DOT1L: variants seen among roughly 807,000 people sequenced by gnomAD.
DOT1L encodes histone-lysine N-methyltransferase, H3 lysine-79 specific.
Under a neutral mutation model 153.3 loss-of-function variants are expected in DOT1L, and 33 were observed. The observed-to-expected ratio is 0.22, with a 90% CI of 0.16 to 0.29. The LOEUF is 0.29. DOT1L is among the 10% of genes least tolerant of loss of function. DOT1L has a pLI of 1.00. For synonymous variants in DOT1L, 1,135 were observed against 965.1 expected (o/e 1.18, Z -3.26); for missense variants, 1,847 against 2,119.9 (o/e 0.87, Z 2.53).
intron 15 of DOT1L, 88 bp from the exon 16 acceptor site, chr19:2,211,663 C>G: frequency 1.7e-6 from 2 of 1,199,196 alleles, no homozygotes; most frequent in Non-Finnish European, 2.4e-6. Flanking sequence ...CTGCCGAGGC[C>G]TGGGACTCGT....
chr19:2,213,395 C>T (rs2023781321), intron 16 of DOT1L, 144 bp from the exon 17 acceptor site: 3 of 745,216 alleles, frequency 4.0e-6, no homozygotes, highest in Non-Finnish European at 2.2e-6. Context: ...TATTTCTTGA[C>T]ATCTCAGCCC....
chr19:2,172,295 T>G (rs770771497), intron 1 of DOT1L, among the ~76,000 whole-genome samples: 2 of 151,790 alleles, frequency 1.3e-5, no homozygotes, highest in Admixed American at 1.3e-4. Flanking sequence ...GTTCAAGTGA[T>G]TCCCCTGCCT....
intron 27 of DOT1L, chr19:2,229,331 CAG>C: frequency 1.0e-6 from 1 of 985,446 alleles, no homozygotes; most frequent in East Asian, 1.1e-4. Context: ...CCTTCTGCCT[CAG>C]GGGCCCCTGG....
Position 2,206,797 on chromosome 19 carries a change from GGTAAGAAACTCTCAT to G in DOT1L, c.856+3_856+17del. ...CAGAATAAACAGTAGAAACTTGAGT[GGTAAGAAACTCTCAT>G]GTTGTTAATGATGAACACGGGTAAT... On this transcript the variant is annotated splice_donor_variant and splice_donor_5th_base_variant and intron_variant, in intron 10 of 27. Transcript: ENST00000398665. LOFTEE classifies it high-confidence loss of function. 6.2e-7 allele frequency: 1 copy of G among 1,613,554 alleles called. No homozygotes were observed. Among genetic ancestry groups the G allele is most frequent in the Non-Finnish European group, 8.5e-7 (1 of 1,179,590 alleles).
intron 1 of DOT1L, among the ~76,000 whole-genome samples, chr19:2,176,854 G>A (rs1489781117): frequency 6.6e-6 from 1 of 152,192 alleles, no homozygotes; most frequent in East Asian, 1.9e-4. Flanking sequence ...AGGAACTTCT[G>A]GGACCACAGC....
rs1290596696 is a variant in DOT1L, at chr19:2,208,343, G to A, written c.964-592G>A. 6.6e-6 allele frequency among the ~76,000 whole-genome samples: 1 copy of A among 152,120 alleles called. No individual in the cohort carries two copies. The highest frequency in any genetic ancestry group is 2.4e-5 in the African/African-American group (1 of 41,424). On this transcript the variant is annotated intron_variant, in intron 11 of 27. Coordinates refer to ENST00000398665, the MANE Select transcript of DOT1L (RefSeq NM_032482.3). This position sits in a 1 kb window ranked among gnomAD's most constrained non-coding sequence, Gnocchi z 4.4. ...TGGTTTTCCTTACGGTGGTGCTGGT[G>A]TGTCTGCACCCTCACTGTCCAGTGC...
rs977135906 is a variant in DOT1L, at chr19:2,190,340, G to T, written c.264+545G>T. Reference sequence around the variant, plus strand: ...CTAGAAAGCACCGGGGGCCCCTGGTGCATGGGGGTAGGGGAGCTCTTTCTT... The same window carrying T: ...CTAGAAAGCACCGGGGGCCCCTGGTTCATGGGGGTAGGGGAGCTCTTTCTT... On this transcript the variant is annotated intron_variant, in intron 4 of 27. Coordinates refer to ENST00000398665, the MANE Select transcript of DOT1L (RefSeq NM_032482.3). This position sits in a 1 kb window ranked among gnomAD's most constrained non-coding sequence, Gnocchi z 4.8. Among the ~76,000 whole-genome samples, 1 of 152,152 alleles carries T rather than the reference G, an allele frequency of 6.6e-6. No individual in the cohort carries two copies. Among genetic ancestry groups the T allele is most frequent in the Non-Finnish European group, 1.5e-5 (1 of 68,010 alleles).
In DOT1L at chr19:2,226,377, G is replaced by A. The variant is rs1599623791; in HGVS notation, c.3856G>A (p.Ala1286Thr). Residue 1286 changes from alanine to threonine, a missense_variant, in exon 27 of 28, where the codon GCC becomes ACC. Ala to Thr is a moderately conservative substitution (Grantham distance 58, BLOSUM62 0). This residue lies in a region of DOT1L where 934 missense variants were observed against 825.3 expected (regional missense o/e 1.13). Coordinates refer to ENST00000398665, the MANE Select transcript of DOT1L (RefSeq NM_032482.3). ...RPALEEPSAD[A>T]KLAAHPRKGF... ...CGCCCTGGAGGAGCCCTCTGCCGAT[G>A]CCAAGCTGGCCGCTCACCCCAGGAA... 1 of 1,592,754 alleles carries A rather than the reference G, an allele frequency of 6.3e-7. No homozygotes were observed. The highest frequency in any genetic ancestry group is 8.5e-7 in the Non-Finnish European group (1 of 1,171,810).
intron 5 of DOT1L, among the ~76,000 whole-genome samples, chr19:2,192,876 A>C (rs2022855385): frequency 6.6e-6 from 1 of 152,108 alleles, no homozygotes; most frequent in Non-Finnish European, 1.5e-5. Context: ...AAAAAGGCTT[A>C]TATGTTTTAG....
intron 1 of DOT1L, among the ~76,000 whole-genome samples, chr19:2,175,027 C>G (rs1300328206): frequency 7.2e-6 from 1 of 139,592 alleles, no homozygotes; most frequent in Non-Finnish European, 1.5e-5. Flanking sequence ...TAGATGGAGT[C>G]TTGCTCTGTT....
In DOT1L at chr19:2,207,726, C is replaced by T. The variant is rs1247012187; in HGVS notation, c.963+46C>T. ...CAGCCGCAGGGCCGTCCTGGTCTTC[C>T]ACCCCGCCCACGTCACACTGCTCTC... On this transcript the variant is annotated intron_variant, in intron 11 of 27. Coordinates refer to ENST00000398665, the MANE Select transcript of DOT1L (RefSeq NM_032482.3). The surrounding 1 kb of genome is among the most constrained non-coding windows in gnomAD (Gnocchi z 4.5). 2 of 1,513,068 alleles carry T rather than the reference C, an allele frequency of 1.3e-6. No individual in the cohort carries two copies. The highest frequency in any genetic ancestry group is 9.0e-7 in the Non-Finnish European group (1 of 1,113,594). The allele number at this position is 1,513,068 out of a possible 1,614,324, so 93.7% of individuals were successfully genotyped here.
At chr19:2,199,305 A>G (rs902871607) in intron 7 of DOT1L, among the ~76,000 whole-genome samples, 1 of 152,208 alleles carries the variant, frequency 6.6e-6, no homozygotes, top group African/African-American at 2.4e-5. Context: ...AGACGCCCCC[A>G]GGGACTGGCG....
chr19:2,206,753 C>T lies in DOT1L; in HGVS notation c.812C>T (p.Pro271Leu). The change falls in exon 10 of 28, where the codon CCC (proline) becomes CTC (leucine). Residue 271 changes from proline to leucine, a missense_variant. This residue lies in a region of DOT1L where 148 missense variants were observed against 422.3 expected (regional missense o/e 0.35). Coordinates refer to ENST00000398665, the MANE Select transcript of DOT1L (RefSeq NM_032482.3). ...GGTGGCAGAATCGTGTCCTCGAAAC[C>T]CTTTGCACCTCTGAACTTCAGAATA... Reference protein sequence around the residue: ...KEGGRIVSSKPFAPLNFRINS... With the variant: ...KEGGRIVSSKLFAPLNFRINS... 6.2e-7 allele frequency: 1 copy of T among 1,613,894 alleles called. No individual in the cohort carries two copies.
Position 2,231,060 on chromosome 19 carries a change from G to A in DOT1L, c.*1268G>A, listed in dbSNP as rs1262859103. On this transcript the variant is annotated 3_prime_UTR_variant, in exon 28 of 28. Coordinates refer to ENST00000398665, the MANE Select transcript of DOT1L (RefSeq NM_032482.3). Reference sequence around the variant, plus strand: ...GCCTGGGACTGGGTGTGGAAGGAGAGGAGCTGAGGCCGGGGTGTAGCAGGC... The same window carrying A: ...GCCTGGGACTGGGTGTGGAAGGAGAAGAGCTGAGGCCGGGGTGTAGCAGGC... The A allele has an allele frequency of 1.7e-5, 4 of 234,228 alleles. No individual in the cohort carries two copies. The highest frequency in any genetic ancestry group is 3.4e-5 in the Non-Finnish European group (4 of 119,080). The allele number at this position is 234,228 out of a possible 1,614,324, so 14.5% of individuals were successfully genotyped here.
At position 2,208,813 on chromosome 19, in the gene DOT1L, C is replaced by T. The variant is rs918714853; in HGVS notation, c.964-122C>T. On this transcript the variant is annotated intron_variant, in intron 11 of 27. Coordinates refer to ENST00000398665, the MANE Select transcript of DOT1L (RefSeq NM_032482.3). The surrounding 1 kb of genome is among the most constrained non-coding windows in gnomAD (Gnocchi z 4.4). The stretch of plus-strand genomic sequence containing the variant: ...GGGCTCTAGCTGCATGCCTGCTGTC[C>T]CCAGATACCAGAACAGCCTCCCCAG... 1.0e-4 allele frequency: 104 copies of T among 1,014,800 alleles called. No individual in the cohort carries two copies. In the South Asian group the frequency reaches 1.6e-3, roughly 15 times the overall value. The allele number at this position is 1,014,800 out of a possible 1,614,324, so 62.9% of individuals were successfully genotyped here. A position where few individuals can be genotyped will look rare whatever the true frequency, so the allele number is the denominator to read the frequency against.
chr19:2,201,298 C>T (rs111610547), intron 8 of DOT1L, among the ~76,000 whole-genome samples: 5,929 of 150,234 alleles, frequency 0.039, 187 homozygotes, highest in East Asian at 0.13. Flanking sequence ...CGTCATCCTC[C>T]CTGTATTCCT....
Position 2,226,487 on chromosome 19 carries a change from G to C in DOT1L, c.3966G>C (p.Leu1322=). The part of the protein sequence containing the change: ...PANGCTFGGG[L]AADLSLHSFS... ...ACGGCTGCACCTTCGGCGGGGGCCT[G>C]GCCGCGGACCTGAGTTTACACAGCT... is the stretch of plus-strand genomic sequence containing the variant. The change falls in exon 27 of 28, where the codon CTG becomes CTC. Residue 1322 remains leucine (L), a synonymous_variant. Coordinates refer to ENST00000398665, the MANE Select transcript of DOT1L (RefSeq NM_032482.3). The C allele has an allele frequency of 1.2e-6, 2 of 1,600,852 alleles. No homozygotes were observed. The highest frequency in any genetic ancestry group is 1.7e-6 in the Non-Finnish European group (2 of 1,179,678).
chr19:2,167,202 G>T (rs1256908496), intron 1 of DOT1L, among the ~76,000 whole-genome samples: 2 of 152,166 alleles, frequency 1.3e-5, no homozygotes. Context: ...CGCGTGGCGA[G>T]GTTCTCAGGG....
At chr19:2,223,783 G>A (rs1343236132) in intron 25 of DOT1L, among the ~76,000 whole-genome samples, 1 of 152,196 alleles carries the variant, frequency 6.6e-6, no homozygotes, top group Admixed American at 6.5e-5. Flanking sequence ...GTGAGGCGTT[G>A]GAGGTCTCAT....
Sources: allele counts gnomAD v4.1 joint callset (sites outside exome capture counted in the v4.1 genomes callset), GRCh38; gene constraint gnomAD v4.1.1; regional missense constraint gnomAD v4.1.1; non-coding constraint Gnocchi (gnomAD v3.1); transcripts MANE v1.5; gene names NCBI Gene and HGNC (gene_info 2026-07-23, HGNC 2026-07-21).